Variants in FCRL5 observed in about 807,000 individuals in gnomAD.
FCRL5 encodes the protein Fc receptor like 5.
FCRL5 carries 79 observed loss-of-function variants against 92.1 expected under a neutral mutation model. The observed-to-expected ratio is 0.86, with a 90% CI of 0.72 to 1.03. The LOEUF (loss-of-function observed/expected upper bound fraction) is 1.03, where lower values mean the gene tolerates loss of function less well. Ranked by LOEUF, FCRL5 falls within the 50% of genes least tolerant of loss-of-function variation. The pLI, the probability that FCRL5 is intolerant of heterozygous loss-of-function variation, is 0.00. For missense variants in FCRL5, 1,160 were observed against 1,181.1 expected (o/e 0.98, Z 0.26); for synonymous variants, 466 against 469.3 (o/e 0.99, Z 0.09).
At chr1:157,518,608 G>T in intron 14 of FCRL5, 92 bp downstream of exon 14, 1 of 1,453,778 alleles carries the variant, frequency 6.9e-7, no homozygotes, top group Non-Finnish European at 9.6e-7. Context: ...GAGCCCTCTA[G>T]GCCTCGGCAT....
chr1:157,527,896 C>A lies in FCRL5; in HGVS notation c.1682-1G>T. 6.4e-7 allele frequency: 1 copy of A among 1,557,634 alleles called. No individual in the cohort carries two copies. ...GTGAGGATGGGGCGAGACACTGGAACTGAGAGAGAAAATGAGTTAGGGACA... is the reference window on the plus strand; with the variant it reads ...GTGAGGATGGGGCGAGACACTGGAAATGAGAGAGAAAATGAGTTAGGGACA... On this transcript the variant is annotated splice_acceptor_variant, in intron 8 of 16. Coordinates refer to ENST00000361835, the MANE Select transcript of FCRL5 (RefSeq NM_031281.3). LOFTEE classifies it high-confidence loss of function.
chr1:157,518,534 T>C (rs753010922), intron 14 of FCRL5, 37 bp from the exon 15 acceptor site: 2 of 1,573,612 alleles, frequency 1.3e-6, no homozygotes. Flanking sequence ...GATGCTGAGG[T>C]TCTTGCCTCT....
chr1:157,541,120 A>T (rs1038507455), intron 6 of FCRL5, among the ~76,000 whole-genome samples: 1 of 152,168 alleles, frequency 6.6e-6, no homozygotes, highest in African/African-American at 2.4e-5. Context: ...TATCCAAACC[A>T]GCTCCCTCTC....
intron 10 of FCRL5, among the ~76,000 whole-genome samples, chr1:157,523,595 C>T (rs1650295937): frequency 1.3e-5 from 2 of 152,208 alleles, no homozygotes; most frequent in African/African-American, 2.4e-5. Flanking sequence ...AGGAGGTCAT[C>T]ACCAAAAAGA....
intron 3 of FCRL5, among the ~76,000 whole-genome samples, chr1:157,545,818 G>A (rs1237958208): frequency 1.3e-5 from 2 of 152,136 alleles, no homozygotes; most frequent in Admixed American, 6.5e-5. Flanking sequence ...GTAAGCCACC[G>A]CGCCTGGCCA....
Position 157,536,981 on chromosome 1 carries a change from TCTTTA to T in FCRL5, c.1403-2094_1403-2090del, listed in dbSNP as rs375921707. ...ATACCCTTGTGATTTCCTATGCCTG[TCTTTA>T]CTTTAATCTCTTAATCCCATCATTT... On this transcript the variant is annotated intron_variant, in intron 7 of 16. Coordinates refer to ENST00000361835, the MANE Select transcript of FCRL5 (RefSeq NM_031281.3). Among the ~76,000 whole-genome samples the T allele has an allele frequency of 6.2e-3, 946 of 152,346 alleles. 11 individuals are homozygous for T. Among genetic ancestry groups the T allele is most frequent in the African/African-American group, 0.022 (908 of 41,574 alleles).
At chr1:157,549,532 C>G in intron 2 of FCRL5, 28 bp downstream of exon 2, 1 of 1,606,412 alleles carries the variant, frequency 6.2e-7, no homozygotes, top group Non-Finnish European at 8.5e-7. Flanking sequence ...ACCAGAGACG[C>G]TGAAGAGCCA....
intron 3 of FCRL5, chr1:157,546,221 G>A (rs1571111586): frequency 4.4e-6 from 2 of 453,326 alleles, no homozygotes; most frequent in South Asian, 3.1e-5. Context: ...GCCTAGGTGA[G>A]CAGATCACTT....
intron 15 of FCRL5, among the ~76,000 whole-genome samples, chr1:157,518,097 CTG>C (rs1212999914): frequency 6.6e-6 from 1 of 152,156 alleles, no homozygotes; most frequent in Non-Finnish European, 1.5e-5. Flanking sequence ...TTATGGTACT[CTG>C]TTACAGGAGC....
chr1:157,545,880 T>C (rs995050144), intron 3 of FCRL5, among the ~76,000 whole-genome samples: 1 of 152,224 alleles, frequency 6.6e-6, no homozygotes, highest in Non-Finnish European at 1.5e-5. Flanking sequence ...GGGATGGACA[T>C]CTGTGATTGT....
intron 8 of FCRL5, chr1:157,528,603 G>T (rs1650548015): frequency 6.6e-6 from 1 of 152,224 alleles, no homozygotes; most frequent in South Asian, 2.1e-4. Context: ...CATGGTACTG[G>T]TATAAAAACA....
At chr1:157,521,349 C>T (rs1390315631) in intron 10 of FCRL5, 57 bp from the exon 11 acceptor site, 129 of 1,519,022 alleles carry the variant, frequency 8.5e-5, no homozygotes, top group Non-Finnish European at 1.1e-4. Flanking sequence ...TTGTAAGAAA[C>T]AAAAGGTATC....
At chr1:157,532,384 C>T (rs979399574) in intron 8 of FCRL5, 3 of 152,014 alleles carry the variant, frequency 2.0e-5, no homozygotes, top group African/African-American at 4.8e-5. Flanking sequence ...TATTCAGAAA[C>T]GATTTACAAA....
At position 157,513,649 on chromosome 1, in the gene FCRL5, A is replaced by G. The variant is rs1204394012; in HGVS notation, c.*2026T>C. The G allele has an allele frequency of 1.3e-5, 2 of 152,148 alleles. No individual in the cohort carries two copies. The highest frequency in any genetic ancestry group is 2.9e-5 in the Non-Finnish European group (2 of 68,016). The allele number at this position is 152,148 out of a possible 1,614,324, so 9.4% of individuals were successfully genotyped here. ...TACATTCAGGCCTTCAACAGACTGG[A>G]CGGGGTCCACCCACATTAGGGTGGA... On this transcript the variant is annotated 3_prime_UTR_variant, in exon 17 of 17. Coordinates refer to ENST00000361835, the MANE Select transcript of FCRL5 (RefSeq NM_031281.3).
chr1:157,527,537 C>G, intron 9 of FCRL5, 80 bp downstream of exon 9: 1 of 1,403,362 alleles, frequency 7.1e-7, no homozygotes, highest in Non-Finnish European at 9.6e-7. Context: ...ACTCTAGAAA[C>G]TGTACCTCTG....
chr1:157,520,586 T>C (rs1650134223), intron 11 of FCRL5, 39 bp from the exon 12 acceptor site: 4 of 1,521,148 alleles, frequency 2.6e-6, no homozygotes, highest in Non-Finnish European at 2.7e-6. Flanking sequence ...GAGGAGAGGC[T>C]GTGGTCTGGA....
chr1:157,539,120 G>A lies in FCRL5; in HGVS notation c.1368C>T (p.Pro456=). ...YYCTADNGFG[P]QRSKAVSLSV... ...AGAGGCTCACCGCCTTACTGCGCTG[G>A]GGGCCAAAGCCATTGTCAGCTGTGC... Residue 456 remains proline, a synonymous_variant, in exon 7 of 17, where the codon CCC becomes CCT. Coordinates refer to ENST00000361835, the MANE Select transcript of FCRL5 (RefSeq NM_031281.3). 6.2e-7 allele frequency: 1 copy of A among 1,614,064 alleles called. No individual in the cohort carries two copies. The highest frequency in any genetic ancestry group is 8.5e-7 in the Non-Finnish European group (1 of 1,179,992).
In FCRL5 at chr1:157,515,255, G is replaced by A. The variant is rs1286941299; in HGVS notation, c.*420C>T. 3.6e-6 allele frequency: 1 copy of A among 277,582 alleles called. No homozygotes were observed. Among genetic ancestry groups the A allele is most frequent in the African/African-American group, 2.2e-5 (1 of 46,038 alleles). The allele number at this position is 277,582 out of a possible 1,614,324, so 17.2% of individuals were successfully genotyped here. A position where few individuals can be genotyped will look rare whatever the true frequency, so the allele number is the denominator to read the frequency against. ...CAATTGAGAAATGCATCCACCCAAA[G>A]CAGGAACTCTGTGTCGGAGTTTAGG... On this transcript the variant is annotated 3_prime_UTR_variant, in exon 17 of 17. Transcript: ENST00000361835.
intron 3 of FCRL5, 100 bp from the exon 4 acceptor site, chr1:157,545,182 A>G: frequency 4.7e-6 from 6 of 1,271,290 alleles, no homozygotes; most frequent in Non-Finnish European, 5.4e-6. Context: ...ATGGGTTGGG[A>G]AAAAGAACTC....
Sources: allele counts gnomAD v4.1 joint callset (sites outside exome capture counted in the v4.1 genomes callset), GRCh38; gene constraint gnomAD v4.1.1; transcripts MANE v1.5; gene names NCBI Gene and HGNC (gene_info 2026-07-23, HGNC 2026-07-21).